CNBD1: variants seen among roughly 807,000 people sequenced by gnomAD.
CNBD1 encodes cyclic nucleotide-binding domain-containing protein 1.
In CNBD1, 71 loss-of-function variants were observed where a neutral mutation model predicts 54.4. The ratio of observed to expected loss-of-function variants is 1.30; its 90% CI spans 1.08 to 1.59. The LOEUF (loss-of-function observed/expected upper bound fraction) is 1.59. Among genes scored for constraint, CNBD1 ranks in the 40% most tolerant of loss-of-function variants. The pLI is 0.00. For synonymous variants in CNBD1, 182 were observed against 170.7 expected (o/e 1.07, Z -0.51); for missense variants, 659 against 518.0 (o/e 1.27, Z -2.64).
At chr8:87,073,347 G>C (rs949327006) in intron 4 of CNBD1, among the ~76,000 whole-genome samples, 3 of 152,042 alleles carry the variant, frequency 2.0e-5, no homozygotes, top group African/African-American at 7.2e-5. Flanking sequence ...GCCCTTGCCG[G>C]AGAGGTATTG....
chr8:87,086,858 A>G (rs1208176428), intron 4 of CNBD1, among the ~76,000 whole-genome samples: 1 of 152,150 alleles, frequency 6.6e-6, no homozygotes, highest in East Asian at 1.9e-4. Flanking sequence ...TTCATTAATT[A>G]TTGCCTTCAT....
At chr8:86,942,021 G>A (rs1042101684) in intron 4 of CNBD1, among the ~76,000 whole-genome samples, 1 of 152,090 alleles carries the variant, frequency 6.6e-6, no homozygotes, top group Non-Finnish European at 1.5e-5. Context: ...TCAATGGGTG[G>A]GCTGTGACAG....
At chr8:87,208,290 C>T (rs896252372) in intron 5 of CNBD1, among the ~76,000 whole-genome samples, 9 of 151,872 alleles carry the variant, frequency 5.9e-5, no homozygotes, top group Admixed American at 3.3e-4. Flanking sequence ...TATAAATAAT[C>T]GAACAGTAAT....
At chr8:87,366,993 G>T (rs2130943018) in intron 10 of CNBD1, among the ~76,000 whole-genome samples, 1 of 152,100 alleles carries the variant, frequency 6.6e-6, no homozygotes, top group Non-Finnish European at 1.5e-5. Flanking sequence ...TAATAAGGTA[G>T]TACATTTTCC....
At chr8:87,427,864 C>G (rs1808075926) in intron 2 of CNBD1, among the ~76,000 whole-genome samples, 1 of 151,948 alleles carries the variant, frequency 6.6e-6, no homozygotes, top group Non-Finnish European at 1.5e-5. Context: ...TCAATAAAAC[C>G]TCATCCATAA....
chr8:87,115,209 C>A (rs1413531353), intron 4 of CNBD1, among the ~76,000 whole-genome samples: 9 of 152,006 alleles, frequency 5.9e-5, no homozygotes, highest in African/African-American at 2.2e-4. Flanking sequence ...AGGCAAATAA[C>A]CTTTTTTCAC....
At chr8:86,870,426 TG>T (rs1207514513) in intron 1 of CNBD1, among the ~76,000 whole-genome samples, 1 of 151,968 alleles carries the variant, frequency 6.6e-6, no homozygotes, top group Non-Finnish European at 1.5e-5. Flanking sequence ...CTCGATCTCC[TG>T]ACCTCGTGAT....
chr8:87,002,153 A>G (rs1809006609), intron 4 of CNBD1, among the ~76,000 whole-genome samples: 1 of 152,168 alleles, frequency 6.6e-6, no homozygotes, highest in Non-Finnish European at 1.5e-5. Flanking sequence ...TCTAATAGGA[A>G]TCCCAGCTGG....
chr8:86,939,840 G>A (rs774222331), intron 4 of CNBD1, 86 bp downstream of exon 4: 4 of 857,114 alleles, frequency 4.7e-6, no homozygotes, highest in South Asian at 1.9e-5. Flanking sequence ...TTGTGGGTAA[G>A]TGTACTTTAG....
In CNBD1 at chr8:87,355,501, C is replaced by T. The variant is rs1810402505; in HGVS notation, c.1303+1715C>T. ...TAATAACAGAATAATAATGCAGCCA[C>T]CTGTATTCAGCCCTCCAAATACTAT... On this transcript the variant is annotated intron_variant, in intron 10 of 10. Transcript: ENST00000518476. Among the ~76,000 whole-genome samples, 3 of 151,990 alleles carry T rather than the reference C, an allele frequency of 2.0e-5. No homozygotes were observed. In the East Asian group the frequency reaches 5.8e-4, roughly 29 times the overall value.
chr8:87,037,712 A>T (rs1809979875), intron 4 of CNBD1, among the ~76,000 whole-genome samples: 1 of 152,100 alleles, frequency 6.6e-6, no homozygotes, highest in Non-Finnish European at 1.5e-5. Context: ...TGGGCTACTG[A>T]TAATTAAAAC....
chr8:87,203,331 T>C (rs1294542986), intron 4 of CNBD1, among the ~76,000 whole-genome samples: 1 of 152,158 alleles, frequency 6.6e-6, no homozygotes, highest in Non-Finnish European at 1.5e-5. Context: ...TGTATATGTG[T>C]TTATATATGT....
intron 8 of CNBD1, among the ~76,000 whole-genome samples, chr8:87,303,625 A>G (rs1316118941): frequency 6.8e-5 from 10 of 147,870 alleles, no homozygotes; most frequent in Admixed American, 6.6e-5. Flanking sequence ...ACAAAAGCCA[A>G]AATTGACAAA....
At chr8:86,888,772 G>A (rs1177765355) in intron 2 of CNBD1, among the ~76,000 whole-genome samples, 4 of 152,062 alleles carry the variant, frequency 2.6e-5, no homozygotes, top group African/African-American at 4.8e-5. Context: ...TGCATGAGAT[G>A]CTAATCAAGG....
At chr8:87,074,776 G>C (rs746266388) in intron 4 of CNBD1, among the ~76,000 whole-genome samples, 5 of 152,126 alleles carry the variant, frequency 3.3e-5, no homozygotes, top group Admixed American at 6.5e-5. Context: ...TCAGTCCCAA[G>C]GTGAGAACCT....
chr8:87,392,891 G>A (rs1003001271), intron 2 of CNBD1, among the ~76,000 whole-genome samples: 4 of 151,880 alleles, frequency 2.6e-5, no homozygotes, highest in East Asian at 1.9e-4. Flanking sequence ...TATTGAAGGC[G>A]ATGGGAAGTC....
At chr8:87,059,156 G>A (rs2130636461) in intron 4 of CNBD1, among the ~76,000 whole-genome samples, 1 of 152,234 alleles carries the variant, frequency 6.6e-6, no homozygotes, top group African/African-American at 2.4e-5. Flanking sequence ...GACCACCAAA[G>A]CCTTGACTTT....
chr8:87,199,813 T>A (rs971326880), intron 4 of CNBD1, among the ~76,000 whole-genome samples: 6 of 152,184 alleles, frequency 3.9e-5, no homozygotes, highest in African/African-American at 1.4e-4. Context: ...CCTTCCATTT[T>A]AACTTTACAT....
At chr8:86,956,754 A>T (rs1385392250) in intron 4 of CNBD1, among the ~76,000 whole-genome samples, 2 of 152,210 alleles carry the variant, frequency 1.3e-5, no homozygotes, top group East Asian at 1.9e-4. Flanking sequence ...TTTTATAAAT[A>T]TACAATCATG....
Sources: allele counts gnomAD v4.1 joint callset (sites outside exome capture counted in the v4.1 genomes callset), GRCh38; gene constraint gnomAD v4.1.1; transcripts MANE v1.5; gene names NCBI Gene and HGNC (gene_info 2026-07-23, HGNC 2026-07-21).